Variants in ZFPM1 observed in about 807,000 individuals in gnomAD.
ZFPM1 encodes zinc finger protein, FOG family member 1, also known as zinc finger protein ZFPM1.
ZFPM1 carries 28 observed loss-of-function variants against 46.3 expected under a neutral mutation model. That is an observed-to-expected ratio of 0.60 (90% CI 0.45 to 0.83). The LOEUF (loss-of-function observed/expected upper bound fraction) is 0.83. Ranked by LOEUF, ZFPM1 falls within the 40% of genes least tolerant of loss-of-function variation. ZFPM1 has a pLI of 0.00. For missense variants in ZFPM1, 1,878 were observed against 1,432.4 expected (o/e 1.31, Z -5.02); for synonymous variants, 957 against 675.9 (o/e 1.42, Z -6.45).
intron 4 of ZFPM1, among the ~76,000 whole-genome samples, chr16:88,519,046 A>ATGGG (rs1278019515): frequency 1.0e-5 from 1 of 95,698 alleles, no homozygotes; most frequent in African/African-American, 4.1e-5. Flanking sequence ...GGGTGGATGG[A>ATGGG]TAGATGGATG....
chr16:88,474,057 G>C (rs1389054815), intron 1 of ZFPM1, among the ~76,000 whole-genome samples: 1 of 152,254 alleles, frequency 6.6e-6, no homozygotes, highest in Non-Finnish European at 1.5e-5. Flanking sequence ...TCCGAGTTCA[G>C]CGGTGATGAA....
Position 88,478,157 on chromosome 16 carries a change from G to A in ZFPM1, c.41-7782G>A, listed in dbSNP as rs1908768305. Among the ~76,000 whole-genome samples, 19 of 152,306 alleles carry A rather than the reference G, an allele frequency of 1.2e-4. No individual in the cohort carries two copies. The South Asian group carries it at 3.9e-3, about 32-fold the overall frequency. ...CAGGACCGATGGGGGAGGGTGTCTG[G>A]GCCCAGAAGGCACAGCCCGGGTGGT... is the stretch of plus-strand genomic sequence containing the variant. On this transcript the variant is annotated intron_variant, in intron 1 of 9. Transcript: ENST00000319555.
At chr16:88,459,639 C>G (rs767621129) in intron 1 of ZFPM1, among the ~76,000 whole-genome samples, 1 of 121,802 alleles carries the variant, frequency 8.2e-6, no homozygotes, top group Non-Finnish European at 1.7e-5. Context: ...AGCAGCCTAA[C>G]GCCCACCCAT....
chr16:88,533,809 G>C lies in ZFPM1; in HGVS notation c.1851G>C (p.Ala617=), dbSNP rs1172150414. 3 of 1,073,360 alleles carry C rather than the reference G, an allele frequency of 2.8e-6. No individual in the cohort carries two copies. The highest frequency in any genetic ancestry group is 3.4e-6 in the Non-Finnish European group (3 of 877,616). 66.5% of individuals were successfully genotyped at this position (1,073,360 alleles called of 1,614,324 possible). The change falls in exon 10 of 10, where the codon GCG becomes GCC. Residue 617 remains alanine, a synonymous_variant. Transcript: ENST00000319555. The part of the protein sequence containing the change: ...EDAPAARRPK[A]PPGPARAPPG... The stretch of plus-strand genomic sequence containing the variant: ...CGCCTGCCGCGCGCAGGCCCAAGGC[G>C]CCCCCCGGCCCGGCCCGCGCGCCCC...
At chr16:88,474,540 C>A (rs2142358714) in intron 1 of ZFPM1, among the ~76,000 whole-genome samples, 1 of 152,288 alleles carries the variant, frequency 6.6e-6, no homozygotes. Context: ...CACCCGCCTC[C>A]TCCCATCCCT....
chr16:88,482,312 T>TG (rs1251572425), intron 1 of ZFPM1, among the ~76,000 whole-genome samples: 5 of 151,886 alleles, frequency 3.3e-5, no homozygotes, highest in Admixed American at 3.3e-4. Flanking sequence ...AGGGGCTCGG[T>TG]GGGGACCAGG....
intron 3 of ZFPM1, among the ~76,000 whole-genome samples, chr16:88,509,200 C>T (rs1260653930): frequency 2.0e-5 from 3 of 152,258 alleles, no homozygotes; most frequent in African/African-American, 7.2e-5. Context: ...TTTTTCCTTC[C>T]CTCCCCCTCA....
chr16:88,459,569 C>G (rs574211623), intron 1 of ZFPM1, among the ~76,000 whole-genome samples: 1 of 125,776 alleles, frequency 8.0e-6, no homozygotes, highest in Non-Finnish European at 1.7e-5. Context: ...TCATTCCCCC[C>G]TCCTCTTCTT....
intron 6 of ZFPM1, among the ~76,000 whole-genome samples, chr16:88,529,621 A>C (rs1213329435): frequency 6.6e-6 from 1 of 152,186 alleles, no homozygotes; most frequent in African/African-American, 2.4e-5. Context: ...GAGTCAGGGG[A>C]CAGGGGACAT....
chr16:88,503,056 G>A (rs548579000), intron 3 of ZFPM1, among the ~76,000 whole-genome samples: 3 of 152,362 alleles, frequency 2.0e-5, no homozygotes, highest in South Asian at 2.1e-4. Flanking sequence ...GCTGCTCCGC[G>A]GGGCAGGGTG....
chr16:88,536,622 C>T lies in ZFPM1; in HGVS notation c.*1643C>T, dbSNP rs759488423. On this transcript the variant is annotated 3_prime_UTR_variant, in exon 10 of 10. Coordinates refer to ENST00000319555, the MANE Select transcript of ZFPM1 (RefSeq NM_153813.3). ...AGGGCTCGCTCTCCTGCCCGCAGCT[C>T]GTGGGCCTGGGTCTGCAGCGCTTTC... 2.0e-5 allele frequency: 3 copies of T among 152,354 alleles called. No homozygotes were observed. Among genetic ancestry groups the T allele is most frequent in the Non-Finnish European group, 2.9e-5 (2 of 68,118 alleles). 9.4% of individuals were successfully genotyped at this position (152,354 alleles called of 1,614,324 possible).
rs372275582 is a variant in ZFPM1, at chr16:88,458,864, G to T, written c.40+5186G>T. 1.4e-4 allele frequency among the ~76,000 whole-genome samples: 22 copies of T among 152,298 alleles called. No individual in the cohort carries two copies. In the East Asian group the frequency reaches 4.2e-3, roughly 29 times the overall value. On this transcript the variant is annotated intron_variant, in intron 1 of 9. Coordinates refer to ENST00000319555, the MANE Select transcript of ZFPM1 (RefSeq NM_153813.3). ...AGTGGCCCAGACTGAAGGGAAGGGG[G>T]TTCCAGAACCTGCAAAGGGGTCATC...
At chr16:88,530,265 A>T (rs1424195712) in intron 6 of ZFPM1, among the ~76,000 whole-genome samples, 1 of 152,152 alleles carries the variant, frequency 6.6e-6, no homozygotes, top group Non-Finnish European at 1.5e-5. Context: ...GTCCTTGCCC[A>T]CACAGCCTGC....
intron 3 of ZFPM1, chr16:88,512,822 G>C (rs1911048422): frequency 6.6e-6 from 1 of 152,118 alleles, no homozygotes; most frequent in Non-Finnish European, 1.5e-5. Context: ...GTGGGCCAGA[G>C]TCGCAGGTAC....
At chr16:88,490,048 T>C (rs1909471106) in intron 3 of ZFPM1, among the ~76,000 whole-genome samples, 1 of 151,070 alleles carries the variant, frequency 6.6e-6, no homozygotes, top group Admixed American at 6.6e-5. Flanking sequence ...ATGCAGCAAG[T>C]ATTTATTATT....
At chr16:88,487,287 A>G (rs1435472476) in intron 2 of ZFPM1, among the ~76,000 whole-genome samples, 1 of 151,964 alleles carries the variant, frequency 6.6e-6, no homozygotes, top group African/African-American at 2.4e-5. Context: ...GCTCCCCCAC[A>G]CTCCACTTGC....
chr16:88,459,081 A>T (rs1234381144), intron 1 of ZFPM1, among the ~76,000 whole-genome samples: 1 of 152,128 alleles, frequency 6.6e-6, no homozygotes, highest in Admixed American at 6.5e-5. Context: ...GCAAGTCGAG[A>T]CTTGGGTGGC....
At chr16:88,520,776 G>A (rs1911803697) in intron 4 of ZFPM1, among the ~76,000 whole-genome samples, 2 of 128,336 alleles carry the variant, frequency 1.6e-5, no homozygotes, top group Non-Finnish European at 3.3e-5. Flanking sequence ...TGGATGATTG[G>A]GTGGATGGAT....
At chr16:88,483,235 C>T (rs1909037844) in intron 1 of ZFPM1, among the ~76,000 whole-genome samples, 1 of 150,970 alleles carries the variant, frequency 6.6e-6, no homozygotes, top group Non-Finnish European at 1.5e-5. Flanking sequence ...CAGCCTGCCC[C>T]TCCTGTCCAG....
Sources: gnomAD v4.1 joint callset for allele counts (sites outside exome capture counted in the v4.1 genomes callset) on GRCh38, gnomAD v4.1.1 for gene constraint, MANE v1.5 for transcripts, NCBI Gene and HGNC (gene_info 2026-07-23, HGNC 2026-07-21) for gene names.